The following MCM3 variants were observed in gnomAD, a reference collection of about 807,000 sequenced individuals.
MCM3 encodes the protein DNA replication licensing factor MCM3.
MCM3 carries 59 observed loss-of-function variants against 91.3 expected under a neutral mutation model. The observed-to-expected ratio is 0.65, with a 90% CI of 0.52 to 0.80. The LOEUF is 0.80. Ranked by LOEUF, MCM3 falls within the 30% of genes least tolerant of loss-of-function variation. The pLI is 0.00. For missense variants in MCM3, 919 were observed against 1,035.4 expected, an observed-to-expected ratio of 0.89 and a Z score of 1.54; for synonymous variants, 383 against 379.6, an observed-to-expected ratio of 1.01 and a Z score of -0.10.
Position 52,275,912 on chromosome 6 carries a change from G to A in MCM3, c.1374+356C>T, listed in dbSNP as rs187742578. ...CAAAGCTGTTATTTCTTGGCAAAGT[G>A]ACAGGAGAGAGAAGCAAGTCTTTTC... On this transcript the variant is annotated intron_variant, in intron 9 of 16. Coordinates refer to ENST00000596288, the MANE Select transcript of MCM3 (RefSeq NM_002388.6). 1.4e-3 allele frequency: 241 copies of A among 171,926 alleles called. 1 individual carries two copies. Among genetic ancestry groups the A allele is most frequent in the African/African-American group, 5.3e-3 (222 of 42,220 alleles). 10.7% of individuals were successfully genotyped at this position (171,926 alleles called of 1,614,324 possible). A position where few individuals can be genotyped will look rare whatever the true frequency, so the allele number is the denominator to read the frequency against.
chr6:52,273,559 G>A (rs527380122), intron 10 of MCM3, among the ~76,000 whole-genome samples, 183 bp downstream of exon 10: 1 of 152,198 alleles, frequency 6.6e-6, no homozygotes, highest in South Asian at 2.1e-4. Flanking sequence ...ACCCAGAAAT[G>A]GACAAAAGAC....
chr6:52,278,951 G>A, intron 5 of MCM3, 101 bp from the exon 6 acceptor site: 1 of 734,446 alleles, frequency 1.4e-6, no homozygotes, highest in Non-Finnish European at 2.2e-6. Flanking sequence ...TGCCAAACTA[G>A]ACCAGCCAAT....
Position 52,264,448 on chromosome 6 carries a change from A to G in MCM3, c.*140T>C. The G allele has an allele frequency of 3.3e-6, 3 of 905,636 alleles. No homozygotes were observed. Among genetic ancestry groups the G allele is most frequent in the Non-Finnish European group, 5.1e-6 (3 of 587,764 alleles). The allele number at this position is 905,636 out of a possible 1,614,324, so 56.1% of individuals were successfully genotyped here. A position where few individuals can be genotyped will look rare whatever the true frequency, so the allele number is the denominator to read the frequency against. On this transcript the variant is annotated 3_prime_UTR_variant, in exon 17 of 17. Transcript: ENST00000596288. ...AAAGGGTCCACCGAGTCCTGAACTCAGCTTCATCACCAACATTCCTCGCCT... is the reference window on the plus strand; with the variant it reads ...AAAGGGTCCACCGAGTCCTGAACTCGGCTTCATCACCAACATTCCTCGCCT...
intron 10 of MCM3, 116 bp downstream of exon 10, chr6:52,273,626 C>A: frequency 3.7e-6 from 4 of 1,077,236 alleles, no homozygotes; most frequent in Non-Finnish European, 5.4e-6. Flanking sequence ...CAGTTGAGGG[C>A]TCTTCAACAT....
chr6:52,273,385 A>G (rs1236136637), intron 10 of MCM3, 29 bp from the exon 11 acceptor site: 2 of 1,612,124 alleles, frequency 1.2e-6, no homozygotes, highest in South Asian at 1.1e-5. Flanking sequence ...GAGAAAGGAG[A>G]GTAATAAAGA....
intron 7 of MCM3, 122 bp from the exon 8 acceptor site, chr6:52,277,320 C>T (rs937260610): frequency 8.1e-5 from 94 of 1,156,254 alleles, no homozygotes; most frequent in Non-Finnish European, 1.1e-4. Context: ...TAATATTTTT[C>T]CTTCGCTTTT....
At chr6:52,275,247 C>T (rs1765463701) in intron 9 of MCM3, among the ~76,000 whole-genome samples, 1 of 152,192 alleles carries the variant, frequency 6.6e-6, no homozygotes, top group Non-Finnish European at 1.5e-5. Context: ...ACAAGGTGTT[C>T]CCATACACTG....
At chr6:52,278,988 G>C (rs1765824545) in intron 5 of MCM3, 138 bp from the exon 6 acceptor site, 1 of 599,164 alleles carries the variant, frequency 1.7e-6, no homozygotes, top group Non-Finnish European at 2.9e-6. Flanking sequence ...GGGGCAGGTA[G>C]CTATTGTGAA....
chr6:52,279,552 G>A lies in MCM3; in HGVS notation c.579C>T (p.Tyr193=). The stretch of plus-strand genomic sequence containing the variant: ...GGATGGTGATGGTCTGGTGATCCTT[G>A]TAGACAGAAAGGCCATATTCTGTCT... ...PLETEYGLSV[Y]KDHQTITIQE... is the part of the protein sequence containing the mutation. The change falls in exon 5 of 17, where the codon TAC becomes TAT. Residue 193 remains tyrosine (Y), a synonymous_variant. Transcript: ENST00000596288. 2 of 1,614,080 alleles carry A rather than the reference G, an allele frequency of 1.2e-6. No homozygotes were observed. Among genetic ancestry groups the A allele is most frequent in the South Asian group, 1.1e-5 (1 of 91,078 alleles).
chr6:52,270,272 T>C (rs1010638919), intron 12 of MCM3, among the ~76,000 whole-genome samples: 1 of 144,416 alleles, frequency 6.9e-6, no homozygotes, highest in South Asian at 2.1e-4. Flanking sequence ...GAGGTTGCAG[T>C]GAGCCAAGAT....
Position 52,279,533 on chromosome 6 carries a change from T to C in MCM3, c.598A>G (p.Thr200Ala). 6.2e-7 allele frequency: 1 copy of C among 1,614,140 alleles called. No individual in the cohort carries two copies. Among genetic ancestry groups the C allele is most frequent in the East Asian group, 2.2e-5 (1 of 44,880 alleles). ...LSVYKDHQTI[T>A]IQEMPEKAPA... is the part of the protein sequence containing the mutation. The stretch of plus-strand genomic sequence containing the variant: ...GCCTTCTCCGGCATCTCCTGGATGG[T>C]GATGGTCTGGTGATCCTTGTAGACA... The change falls in exon 5 of 17, where the codon ACC (threonine) becomes GCC (alanine). Residue 200 changes from threonine to alanine, a missense_variant. Around this residue, in one of 3 missense-constraint regions of MCM3, gnomAD observed 401 missense variants for 402.7 expected, o/e 1.00. Transcript: ENST00000596288.
At chr6:52,270,454 C>G (rs139972376) in intron 12 of MCM3, among the ~76,000 whole-genome samples, 55 of 152,216 alleles carry the variant, frequency 3.6e-4, no homozygotes, top group African/African-American at 1.1e-3. Context: ...CCTAAATTAC[C>G]ATGTATATCC....
At chr6:52,274,089 C>T (rs1215488326) in intron 9 of MCM3, among the ~76,000 whole-genome samples, 173 bp from the exon 10 acceptor site, 1 of 152,232 alleles carries the variant, frequency 6.6e-6, no homozygotes, top group Non-Finnish European at 1.5e-5. Context: ...TAAATCATCT[C>T]TTCTACCTGC....
chr6:52,276,236 G>T, intron 9 of MCM3, 32 bp downstream of exon 9: 1 of 1,577,302 alleles, frequency 6.3e-7, no homozygotes, highest in Admixed American at 1.7e-5. Flanking sequence ...AAATGAAGGT[G>T]AGGACAATGG....
chr6:52,282,835 A>T lies in MCM3; in HGVS notation c.218T>A (p.Leu73Gln), dbSNP rs1254385710. ...NRLLNNAFEE[L>Q]VAFQRALKDF... Reference sequence around the variant, plus strand: ...CTTTAAGGCCCGCTGGAAGGCAACCAGCTCCTCAAAGGCATTGTTCAGAAG... The same window carrying T: ...CTTTAAGGCCCGCTGGAAGGCAACCTGCTCCTCAAAGGCATTGTTCAGAAG... Residue 73 changes from leucine to glutamine, a missense_variant, in exon 3 of 17, where the codon CTG becomes CAG. Physicochemically the swap from Leu to Gln is moderately radical, Grantham distance 113. Around this residue, in one of 3 missense-constraint regions of MCM3, gnomAD observed 401 missense variants for 402.7 expected, o/e 1.00. Coordinates refer to ENST00000596288, the MANE Select transcript of MCM3 (RefSeq NM_002388.6). The T allele has an allele frequency of 1.9e-6, 3 of 1,614,014 alleles. No individual in the cohort carries two copies. In the African/African-American group the frequency reaches 4.0e-5, roughly 22 times the overall value.
Position 52,270,236 on chromosome 6 carries a change from G to A in MCM3, c.1828-1010C>T, listed in dbSNP as rs113034620. ...CCCAGCTACTCAGGAGGCTGAGGCA[G>A]GAGAATAGCTTGAACCCGGGAGGCA... On this transcript the variant is annotated intron_variant, in intron 12 of 16. Transcript: ENST00000596288. Among the ~76,000 whole-genome samples, 726 of 151,098 alleles carry A rather than the reference G, an allele frequency of 4.8e-3. 4 individuals carry two copies. The highest frequency in any genetic ancestry group is 0.017 in the African/African-American group (691 of 41,108).
chr6:52,276,587 G>A, intron 8 of MCM3, 111 bp from the exon 9 acceptor site: 1 of 910,484 alleles, frequency 1.1e-6, no homozygotes, highest in Non-Finnish European at 1.6e-6. Context: ...TGAGAATGCG[G>A]CAATGGTGTG....
chr6:52,274,012 G>T, intron 9 of MCM3, 96 bp from the exon 10 acceptor site: 1 of 933,782 alleles, frequency 1.1e-6, no homozygotes, highest in Non-Finnish European at 1.6e-6. Context: ...TGAAAGGCTT[G>T]ACCTCAAAGA....
Position 52,277,114 on chromosome 6 carries a change from G to A in MCM3, c.1118C>T (p.Ser373Phe). ...PRAIPTTGRG[S>F]SGVGLTAAVT... is the part of the protein sequence containing the mutation. ...AGCAGCCGTCAGACCCACTCCAGAG[G>A]AGCCCCGGCCAGTGGTGGGGATAGC... The change falls in exon 8 of 17, where the codon TCC (serine) becomes TTC (phenylalanine). Residue 373 changes from serine (S) to phenylalanine (F), a missense_variant. Around this residue, in one of 3 missense-constraint regions of MCM3, gnomAD observed 233 missense variants for 321.2 expected, o/e 0.73. Coordinates refer to ENST00000596288, the MANE Select transcript of MCM3 (RefSeq NM_002388.6). 6.2e-7 allele frequency: 1 copy of A among 1,614,132 alleles called. No individual in the cohort carries two copies. Among genetic ancestry groups the A allele is most frequent in the Non-Finnish European group, 8.5e-7 (1 of 1,180,010 alleles).
Sources: gnomAD v4.1 joint callset for allele counts (sites outside exome capture counted in the v4.1 genomes callset) on GRCh38, gnomAD v4.1.1 for gene constraint, gnomAD v4.1.1 regional missense constraint, MANE v1.5 for transcripts, NCBI Gene and HGNC (gene_info 2026-07-23, HGNC 2026-07-21) for gene names.